The following RAPGEF3 variants were observed in gnomAD, a reference collection of about 807,000 sequenced individuals.
RAPGEF3 encodes Rap guanine nucleotide exchange factor 3, also known as 9330170P05Rik.
Under a neutral mutation model 129.8 loss-of-function variants are expected in RAPGEF3, and 103 were observed. The observed-to-expected ratio is 0.79, with a 90% CI of 0.68 to 0.93. The LOEUF (loss-of-function observed/expected upper bound fraction) is 0.93, where lower values mean the gene tolerates loss of function less well. Ranked by LOEUF, RAPGEF3 falls within the 40% of genes least tolerant of loss-of-function variation. The pLI is 0.00. For missense variants in RAPGEF3, 1,117 were observed against 1,207.4 expected (o/e 0.93, Z 1.11); for synonymous variants, 436 against 482.6 (o/e 0.90, Z 1.26).
chr12:47,757,516 C>A (rs994740706), intron 2 of RAPGEF3, among the ~76,000 whole-genome samples: 1 of 152,166 alleles, frequency 6.6e-6, no homozygotes, highest in Non-Finnish European at 1.5e-5. Context: ...TCACTCCAAC[C>A]CATTGACCCG....
Position 47,737,285 on chromosome 12 carries a change from C to A in RAPGEF3, c.*282G>T, listed in dbSNP as rs1054351475. ...GTGGAGACCTCTCTATTGCACACAACGTCCCAGCGCACTCCACTCTCCACC... is the reference window on the plus strand; with the variant it reads ...GTGGAGACCTCTCTATTGCACACAAAGTCCCAGCGCACTCCACTCTCCACC... On this transcript the variant is annotated 3_prime_UTR_variant, in exon 28 of 28. Coordinates refer to ENST00000449771, the MANE Select transcript of RAPGEF3 (RefSeq NM_001098531.4). 2.2e-6 allele frequency: 1 copy of A among 445,296 alleles called. No individual in the cohort carries two copies. Among genetic ancestry groups the A allele is most frequent in the East Asian group, 4.6e-5 (1 of 21,952 alleles). 27.6% of individuals were successfully genotyped at this position (445,296 alleles called of 1,614,324 possible). A position where few individuals can be genotyped will look rare whatever the true frequency, so the allele number is the denominator to read the frequency against.
chr12:47,754,842 C>G (rs1349062897), intron 2 of RAPGEF3, among the ~76,000 whole-genome samples: 3 of 152,226 alleles, frequency 2.0e-5, no homozygotes, highest in African/African-American at 7.2e-5. Context: ...ACTCCCCACT[C>G]TCATTCCTGA....
At chr12:47,739,812 G>C in intron 23 of RAPGEF3, 1 of 458,300 alleles carries the variant, frequency 2.2e-6, no homozygotes. Context: ...GGGCTCTGGA[G>C]CCCCTGACAC....
intron 16 of RAPGEF3, 61 bp downstream of exon 16, chr12:47,746,799 G>A (rs80273501): frequency 6.6e-7 from 1 of 1,512,240 alleles, no homozygotes; most frequent in South Asian, 1.2e-5. Flanking sequence ...GGGTCAGGGG[G>A]CGAAGGAGGG....
In RAPGEF3 at chr12:47,749,864, C is replaced by A. The variant is rs1465291809; in HGVS notation, c.818-47G>T. ...CCGGGCCCTCCTGGCACCTACCATT[C>A]CTTCACACATCCTTCTGCCCATGTC... On this transcript the variant is annotated intron_variant, in intron 8 of 27. Transcript: ENST00000449771. The surrounding 1 kb of genome is among the most constrained non-coding windows in gnomAD (Gnocchi z 4.5). 1 of 1,613,950 alleles carries A rather than the reference C, an allele frequency of 6.2e-7. No homozygotes were observed. The highest frequency in any genetic ancestry group is 8.5e-7 in the Non-Finnish European group (1 of 1,179,788).
Position 47,751,048 on chromosome 12 carries a change from G to A in RAPGEF3, c.671C>T (p.Pro224Leu), listed in dbSNP as rs764625944. ...ACGGGGTGCAGGGATTCTGACTCAC[G>A]GCTTTCGAAGTGCCACAGTGAGCAG... ...DALLTVALRK[P>L]PGQRTDEELD... is the part of the protein sequence containing the mutation. The change falls in exon 6 of 28, where the codon CCC (proline) becomes CTC (leucine). Residue 224 changes from proline to leucine, a missense_variant and splice_region_variant. Transcript: ENST00000449771. The A allele has an allele frequency of 1.0e-5, 16 of 1,597,332 alleles. No homozygotes were observed. The highest frequency in any genetic ancestry group is 2.3e-5 in the South Asian group (2 of 87,640).
At chr12:47,745,323 G>A (rs1941369609) in intron 16 of RAPGEF3, 2 of 152,350 alleles carry the variant, frequency 1.3e-5, no homozygotes, top group South Asian at 4.1e-4. Context: ...AGAAAGCCCA[G>A]GCTCTTTAGC....
At chr12:47,748,227 GAAGGACC>G in intron 12 of RAPGEF3, 75 bp from the exon 13 acceptor site, 1 of 1,269,438 alleles carries the variant, frequency 7.9e-7, no homozygotes, top group Non-Finnish European at 1.1e-6. Flanking sequence ...TGGACAGCTG[GAAGGACC>G]CTTCCCCACA....
intron 7 of RAPGEF3, 100 bp from the exon 8 acceptor site, chr12:47,750,090 G>T: frequency 7.1e-7 from 1 of 1,406,376 alleles, no homozygotes; most frequent in Non-Finnish European, 1.0e-6. Context: ...ACAAGTGCTG[G>T]GGGACAAAGA....
At chr12:47,740,038 G>A (rs536070543) in intron 23 of RAPGEF3, 103 bp downstream of exon 23, 167 of 1,357,762 alleles carry the variant, frequency 1.2e-4, no homozygotes, top group Non-Finnish European at 1.6e-4. Flanking sequence ...GACAAAGGAC[G>A]AGTAGAGGGG....
chr12:47,746,482 G>C lies in RAPGEF3; in HGVS notation c.1596+378C>G, dbSNP rs372956973. 2.7e-3 allele frequency: 1,537 copies of C among 572,730 alleles called. 8 individuals are homozygous for C. Among genetic ancestry groups the C allele is most frequent in the South Asian group, 7.8e-3 (345 of 44,376 alleles). The allele number at this position is 572,730 out of a possible 1,614,324, so 35.5% of individuals were successfully genotyped here. A position where few individuals can be genotyped will look rare whatever the true frequency, so the allele number is the denominator to read the frequency against. On this transcript the variant is annotated intron_variant, in intron 16 of 27. Coordinates refer to ENST00000449771, the MANE Select transcript of RAPGEF3 (RefSeq NM_001098531.4). The stretch of plus-strand genomic sequence containing the variant: ...GGGGCCCCCTCTGACTTTCCAGGGA[G>C]GGGCCTCGCCTTCCTCTGAGCTCCC...
intron 2 of RAPGEF3, chr12:47,755,590 C>T (rs983352133): frequency 6.6e-5 from 10 of 152,296 alleles, no homozygotes; most frequent in African/African-American, 2.2e-4. Context: ...GATGTTCTTC[C>T]ATCCCATTCC....
chr12:47,752,286 G>A (rs1215234827), intron 2 of RAPGEF3, among the ~76,000 whole-genome samples: 1 of 152,222 alleles, frequency 6.6e-6, no homozygotes, highest in African/African-American at 2.4e-5. Flanking sequence ...CCCTGTTGGG[G>A]GAAAGAAGTG....
Position 47,750,336 on chromosome 12 carries a change from C to T in RAPGEF3, c.756+5G>A. On this transcript the variant is annotated splice_donor_5th_base_variant and intron_variant, in intron 7 of 27. Coordinates refer to ENST00000449771, the MANE Select transcript of RAPGEF3 (RefSeq NM_001098531.4). Reference sequence around the variant, plus strand: ...CGGGGCAGGGCTGGGAGGGGCAGGACTGACCGAGTTGGAGAGGTGGGCCAC... The same window carrying T: ...CGGGGCAGGGCTGGGAGGGGCAGGATTGACCGAGTTGGAGAGGTGGGCCAC... 1 of 1,613,628 alleles carries T rather than the reference C, an allele frequency of 6.2e-7. No individual in the cohort carries two copies. Among genetic ancestry groups the T allele is most frequent in the Non-Finnish European group, 8.5e-7 (1 of 1,179,578 alleles).
intron 23 of RAPGEF3, chr12:47,739,644 T>C: frequency 2.6e-6 from 1 of 385,572 alleles, no homozygotes; most frequent in Non-Finnish European, 4.9e-6. Flanking sequence ...CTCTCCAGAA[T>C]AGTCAAAACC....
At position 47,749,696 on chromosome 12, in the gene RAPGEF3, C is replaced by T. The variant is rs1438964139; in HGVS notation, c.894+45G>A. On this transcript the variant is annotated intron_variant, in intron 9 of 27. Coordinates refer to ENST00000449771, the MANE Select transcript of RAPGEF3 (RefSeq NM_001098531.4). The surrounding 1 kb of genome is among the most constrained non-coding windows in gnomAD (Gnocchi z 4.5). ...GCCCATGAGGACATGGACCAGGGAG[C>T]AGTTAGGACCCAGGGCACTGGGGTG... 3 of 1,610,180 alleles carry T rather than the reference C, an allele frequency of 1.9e-6. No homozygotes were observed. The highest frequency in any genetic ancestry group is 2.5e-6 in the Non-Finnish European group (3 of 1,176,860).
intron 12 of RAPGEF3, 117 bp downstream of exon 12, chr12:47,748,337 T>G: frequency 9.1e-7 from 1 of 1,095,972 alleles, no homozygotes; most frequent in Non-Finnish European, 1.3e-6. Context: ...TATTGCCAAC[T>G]TCTGTACAGA....
chr12:47,757,954 A>T lies in RAPGEF3; in HGVS notation c.131T>A (p.Val44Glu). 6.4e-7 allele frequency: 1 copy of T among 1,560,276 alleles called. No individual in the cohort carries two copies. The highest frequency in any genetic ancestry group is 8.7e-7 in the Non-Finnish European group (1 of 1,151,810). ...VVPEGTLLNMVLRRMHRPRSC... is the reference protein window; with the variant it reads ...VVPEGTLLNMELRRMHRPRSC... ...TCGGGGCCGGTGCATCCTTCTCAAC[A>T]CCATGTTGAGTAGTGTCCCCTCCGG... Residue 44 changes from valine to glutamate, a missense_variant, in exon 2 of 28, where the codon GTG (valine) becomes GAG (glutamate). This residue lies in a region of RAPGEF3 where 367 missense variants were observed against 373.4 expected (regional missense o/e 0.98). Coordinates refer to ENST00000449771, the MANE Select transcript of RAPGEF3 (RefSeq NM_001098531.4).
chr12:47,750,247 G>T, intron 7 of RAPGEF3, 94 bp downstream of exon 7: 1 of 1,348,774 alleles, frequency 7.4e-7, no homozygotes, highest in Non-Finnish European at 1.1e-6. Flanking sequence ...TGGAAGTGGA[G>T]AAATGCCCTC....
Sources: gnomAD v4.1 joint callset for allele counts (sites outside exome capture counted in the v4.1 genomes callset) on GRCh38, gnomAD v4.1.1 for gene constraint, gnomAD v4.1.1 regional missense constraint, Gnocchi (gnomAD v3.1) non-coding constraint, MANE v1.5 for transcripts, NCBI Gene and HGNC (gene_info 2026-07-23, HGNC 2026-07-21) for gene names.